Variants in ASIC2 observed in about 807,000 individuals in gnomAD.
The protein encoded by ASIC2 is acid sensing ion channel subunit 2, also known as acid-sensing ion channel 2.
In ASIC2, 25 loss-of-function variants were observed where a neutral mutation model predicts 57.3. The observed-to-expected ratio is 0.44, with a 90% CI of 0.32 to 0.61. ASIC2 has a LOEUF of 0.61. Ranked by LOEUF, ASIC2 falls within the 20% of genes least tolerant of loss-of-function variation. ASIC2 has a pLI of 0.06. For synonymous variants in ASIC2, 319 were observed against 307.5 expected (o/e 1.04, Z -0.39); for missense variants, 641 against 738.1 (o/e 0.87, Z 1.52).
At chr17:33,799,095 G>C (rs1000513567) in intron 1 of ASIC2, among the ~76,000 whole-genome samples, 1 of 152,208 alleles carries the variant, frequency 6.6e-6, no homozygotes, top group African/African-American at 2.4e-5. Flanking sequence ...CAAATGCCTT[G>C]ACCTCCAACT....
At chr17:33,048,504 C>T (rs2091963540) in intron 3 of ASIC2, among the ~76,000 whole-genome samples, 1 of 152,164 alleles carries the variant, frequency 6.6e-6, no homozygotes, top group African/African-American at 2.4e-5. Flanking sequence ...TAGTAAAATC[C>T]AGGTAAGGGG....
intron 1 of ASIC2, among the ~76,000 whole-genome samples, chr17:33,962,374 G>A (rs1904951240): frequency 6.6e-6 from 1 of 152,164 alleles, no homozygotes. Flanking sequence ...CTGGTACATA[G>A]TAGATGCTCT....
chr17:33,842,813 AC>A (rs1913479664), intron 1 of ASIC2, among the ~76,000 whole-genome samples: 1 of 152,158 alleles, frequency 6.6e-6, no homozygotes, highest in South Asian at 2.1e-4. Context: ...GCCCACGAGA[AC>A]CCACTCACTA....
chr17:33,316,479 G>T (rs943026611), intron 1 of ASIC2, among the ~76,000 whole-genome samples: 18 of 152,184 alleles, frequency 1.2e-4, no homozygotes, highest in Non-Finnish European at 2.6e-4. Flanking sequence ...GTAGAGATGA[G>T]GTTTCGCCAT....
At chr17:33,995,878 G>A (rs1906143485) in intron 1 of ASIC2, among the ~76,000 whole-genome samples, 1 of 152,138 alleles carries the variant, frequency 6.6e-6, no homozygotes, top group Admixed American at 6.5e-5. Context: ...ATATCCAGAA[G>A]TAGGATTGCT....
chr17:33,292,374 G>C lies in ASIC2; in HGVS notation c.-259C>G. The C allele has an allele frequency of 1.0e-6, 1 of 985,842 alleles. No homozygotes were observed. Among genetic ancestry groups the C allele is most frequent in the Non-Finnish European group, 1.2e-6 (1 of 830,536 alleles). 61.1% of individuals were successfully genotyped at this position (985,842 alleles called of 1,614,324 possible). A position where few individuals can be genotyped will look rare whatever the true frequency, so the allele number is the denominator to read the frequency against. ...AGTGGCCTCTCCCGAGCGCCTCCCA[G>C]GCTTTCCCGGCCCCTGGTCTTCCTG... is the stretch of plus-strand genomic sequence containing the variant. On this transcript the variant is annotated 5_prime_UTR_variant, in exon 1 of 10. Coordinates refer to ENST00000225823, the MANE Select transcript of ASIC2 (RefSeq NM_183377.2).
intron 2 of ASIC2, among the ~76,000 whole-genome samples, chr17:33,092,809 C>G (rs933347162): frequency 3.2e-4 from 48 of 152,188 alleles, no homozygotes; most frequent in African/African-American, 1.1e-3. Flanking sequence ...CATGGGATAT[C>G]TTTTTCTTTG....
At chr17:33,321,709 T>C (rs1906878683) in intron 1 of ASIC2, among the ~76,000 whole-genome samples, 1 of 152,200 alleles carries the variant, frequency 6.6e-6, no homozygotes, top group Non-Finnish European at 1.5e-5. Flanking sequence ...GATTACCCTG[T>C]ATCAAATTTT....
chr17:33,803,367 G>A (rs1567720249), intron 1 of ASIC2, among the ~76,000 whole-genome samples: 7 of 151,464 alleles, frequency 4.6e-5, no homozygotes, highest in Admixed American at 3.3e-4. Context: ...GGGGGGTTTG[G>A]TTGGGGGAGA....
At chr17:33,319,562 T>A (rs1166647917) in intron 1 of ASIC2, among the ~76,000 whole-genome samples, 1 of 152,256 alleles carries the variant, frequency 6.6e-6, no homozygotes, top group African/African-American at 2.4e-5. Flanking sequence ...ATGAGATATT[T>A]TGATACAGCC....
rs73279004 is a variant in ASIC2, at chr17:33,633,270, A to G, written c.556-521203T>C. Reference sequence around the variant, plus strand: ...GAGGGTCCAAAAAGGCTCTTGTGTGAGCCATTCCCCACCTGTGGGGTGCAA... The same window carrying G: ...GAGGGTCCAAAAAGGCTCTTGTGTGGGCCATTCCCCACCTGTGGGGTGCAA... On this transcript the variant is annotated intron_variant, in intron 1 of 9. Transcript: ENST00000359872. Among the ~76,000 whole-genome samples the G allele has an allele frequency of 5.9e-3, 904 of 152,286 alleles. 6 individuals are homozygous for G. Among genetic ancestry groups the G allele is most frequent in the African/African-American group, 0.021 (864 of 41,576 alleles).
intron 1 of ASIC2, among the ~76,000 whole-genome samples, chr17:33,668,448 A>G (rs946210700): frequency 5.3e-5 from 8 of 151,880 alleles, no homozygotes; most frequent in Admixed American, 3.9e-4. Context: ...CCCTTCCTCC[A>G]TCTTCAAAGT....
chr17:33,145,921 C>T (rs914192019), intron 1 of ASIC2, among the ~76,000 whole-genome samples: 6 of 152,212 alleles, frequency 3.9e-5, no homozygotes, highest in African/African-American at 7.2e-5. Context: ...TAGTGGAGCT[C>T]CCTCACCCTC....
chr17:33,579,425 A>C (rs955439852), intron 1 of ASIC2, among the ~76,000 whole-genome samples: 10 of 151,988 alleles, frequency 6.6e-5, no homozygotes, highest in South Asian at 2.1e-4. Flanking sequence ...AAACAAGGAG[A>C]TATAGACTAG....
At chr17:33,432,363 A>G (rs1308254245) in intron 1 of ASIC2, among the ~76,000 whole-genome samples, 1 of 152,156 alleles carries the variant, frequency 6.6e-6, no homozygotes, top group African/African-American at 2.4e-5. Flanking sequence ...AAAAAGTACA[A>G]AAATTGGCTG....
At chr17:34,048,906 T>A (rs1471103341) in intron 1 of ASIC2, among the ~76,000 whole-genome samples, 15 of 152,236 alleles carry the variant, frequency 9.9e-5, no homozygotes, top group Non-Finnish European at 8.8e-5. Flanking sequence ...TAAATATGAT[T>A]TTAATAATTC....
At chr17:33,076,278 G>A (rs111401323) in intron 3 of ASIC2, among the ~76,000 whole-genome samples, 2,213 of 152,340 alleles carry the variant, frequency 0.015, 48 homozygotes, top group African/African-American at 0.05. Flanking sequence ...TCTGATGGAG[G>A]CTGTCCACTA....
chr17:33,675,089 C>G lies in ASIC2; in HGVS notation c.555+480889G>C, dbSNP rs563291512. ...TTCTGGTGTTGTGGAGATTAATGAC[C>G]TAATTCTTGTAAAGTGCTTAGACCA... On this transcript the variant is annotated intron_variant, in intron 1 of 9. Transcript: ENST00000359872. Among the ~76,000 whole-genome samples, 7 of 152,286 alleles carry G rather than the reference C, an allele frequency of 4.6e-5. 1 individual carries two copies. The South Asian group carries it at 1.5e-3, about 32-fold the overall frequency.
At chr17:33,526,070 G>A (rs1914877539) in intron 1 of ASIC2, among the ~76,000 whole-genome samples, 1 of 152,162 alleles carries the variant, frequency 6.6e-6, no homozygotes, top group Non-Finnish European at 1.5e-5. Flanking sequence ...TGACCAAAAA[G>A]TGTGAGGAAT....
Sources: gnomAD v4.1 joint callset for allele counts (sites outside exome capture counted in the v4.1 genomes callset) on GRCh38, gnomAD v4.1.1 for gene constraint, MANE v1.5 for transcripts, NCBI Gene and HGNC (gene_info 2026-07-23, HGNC 2026-07-21) for gene names.